Variants in STK32B observed in about 807,000 individuals in gnomAD.
STK32B encodes serine/threonine kinase 32B.
Under a neutral mutation model 52.6 loss-of-function variants are expected in STK32B, and 43 were observed. The observed-to-expected ratio is 0.82, with a 90% CI of 0.64 to 1.05. The LOEUF (loss-of-function observed/expected upper bound fraction) is 1.05. Ranked by LOEUF, STK32B falls within the 50% of genes least tolerant of loss-of-function variation. The pLI is 0.00. For synonymous variants in STK32B, 238 were observed against 204.3 expected (o/e 1.17, Z -1.41); for missense variants, 621 against 534.6 (o/e 1.16, Z -1.59).
At chr4:5,317,415 TATATATAATAC>T (rs1239868644) in intron 3 of STK32B, among the ~76,000 whole-genome samples, 27 of 83,992 alleles carry the variant, frequency 3.2e-4, no homozygotes, top group African/African-American at 1.6e-3. Flanking sequence ...GTATATGTAT[TATATATAATAC>T]ATATATATTA....
At chr4:5,487,309 G>C (rs1377316293) in intron 11 of STK32B, among the ~76,000 whole-genome samples, 2 of 152,194 alleles carry the variant, frequency 1.3e-5, no homozygotes, top group African/African-American at 4.8e-5. Context: ...GGCATGAGCA[G>C]TCATCTGGAA....
At chr4:5,341,576 G>A (rs931648806) in intron 4 of STK32B, among the ~76,000 whole-genome samples, 3 of 152,138 alleles carry the variant, frequency 2.0e-5, no homozygotes, top group Non-Finnish European at 4.4e-5. Context: ...TTACTTCTAG[G>A]CAACCAAGGA....
chr4:5,130,524 A>G (rs1162743904), intron 1 of STK32B, among the ~76,000 whole-genome samples: 1 of 152,104 alleles, frequency 6.6e-6, no homozygotes, highest in East Asian at 1.9e-4. Flanking sequence ...CCTGTGAACA[A>G]ACTCAGCACC....
chr4:5,346,032 T>G (rs1733436476), intron 4 of STK32B, among the ~76,000 whole-genome samples: 1 of 152,178 alleles, frequency 6.6e-6, no homozygotes, highest in South Asian at 2.1e-4. Flanking sequence ...GGGTGTATGG[T>G]TGTTATTTTC....
chr4:5,086,919 C>T (rs1712762421), intron 1 of STK32B, among the ~76,000 whole-genome samples: 1 of 152,102 alleles, frequency 6.6e-6, no homozygotes, highest in Non-Finnish European at 1.5e-5. Context: ...GTAGACTTGT[C>T]CTGCAACAGA....
At chr4:5,221,882 G>A (rs906260385) in intron 3 of STK32B, among the ~76,000 whole-genome samples, 6 of 151,176 alleles carry the variant, frequency 4.0e-5, no homozygotes, top group Admixed American at 1.3e-4. Flanking sequence ...AAAAATTCAG[G>A]TGTTGTTAAT....
At chr4:5,089,782 G>C (rs79040673) in intron 1 of STK32B, among the ~76,000 whole-genome samples, 1 of 152,280 alleles carries the variant, frequency 6.6e-6, no homozygotes, top group East Asian at 1.9e-4. Context: ...TCACAATACT[G>C]TCTTCTACCA....
chr4:5,197,733 C>G (rs1721800878), intron 3 of STK32B, among the ~76,000 whole-genome samples: 1 of 152,124 alleles, frequency 6.6e-6, no homozygotes, highest in African/African-American at 2.4e-5. Context: ...GGATGCTATC[C>G]TTTTATTCAT....
Position 5,437,918 on chromosome 4 carries a change from T to C in STK32B, c.563-8755T>C. On this transcript the variant is annotated intron_variant, in intron 6 of 11. Coordinates refer to ENST00000282908, the MANE Select transcript of STK32B (RefSeq NM_018401.3). ...GGATTATGATATCAATATTGTTGTGTTCTACCATCAGCTCCAAGTGTGTGG... is the reference window on the plus strand; with the variant it reads ...GGATTATGATATCAATATTGTTGTGCTCTACCATCAGCTCCAAGTGTGTGG... 3 of 985,460 alleles carry C rather than the reference T, an allele frequency of 3.0e-6. 1 individual carries two copies. Among genetic ancestry groups the C allele is most frequent in the Non-Finnish European group, 2.4e-6 (2 of 829,950 alleles). 61.0% of individuals were successfully genotyped at this position (985,460 alleles called of 1,614,324 possible). A position where few individuals can be genotyped will look rare whatever the true frequency, so the allele number is the denominator to read the frequency against.
At chr4:5,028,979 G>C in the STK32B span, among the ~76,000 whole-genome samples, 1 of 152,138 alleles carries the variant, frequency 6.6e-6, no homozygotes, top group South Asian at 2.1e-4. Context: ...GGCAGGAGGT[G>C]CCACACATTT....
chr4:5,185,003 CCT>C (rs1206342165), intron 3 of STK32B, among the ~76,000 whole-genome samples: 6 of 152,200 alleles, frequency 3.9e-5, no homozygotes, highest in Non-Finnish European at 5.9e-5. Flanking sequence ...GAGGTTGCTC[CCT>C]GTTTCCGTGT....
chr4:5,278,527 C>T (rs934787113), intron 3 of STK32B, among the ~76,000 whole-genome samples: 2 of 152,098 alleles, frequency 1.3e-5, no homozygotes, highest in Non-Finnish European at 2.9e-5. Context: ...AAAATCTGTC[C>T]GTCAGCACAA....
At position 5,396,739 on chromosome 4, in the gene STK32B, C is replaced by A. The variant is rs116398378; in HGVS notation, c.435-1468C>A. Among the ~76,000 whole-genome samples the A allele has an allele frequency of 0.011, 1,736 of 152,292 alleles. 21 individuals are homozygous for A. Among genetic ancestry groups the A allele is most frequent in the South Asian group, 0.057 (274 of 4,826 alleles). On this transcript the variant is annotated intron_variant, in intron 4 of 11. Coordinates refer to ENST00000282908, the MANE Select transcript of STK32B (RefSeq NM_018401.3). The surrounding 1 kb of genome is among the most constrained non-coding windows in gnomAD (Gnocchi z 4.7). ...GAACATTTGCTGCTGTGTTTTCATT[C>A]TTGACATGTATTTTATTATCTCTTT...
chr4:5,158,497 C>G (rs1273868307), intron 2 of STK32B, among the ~76,000 whole-genome samples: 2 of 152,098 alleles, frequency 1.3e-5, no homozygotes, highest in Admixed American at 6.5e-5. Flanking sequence ...TTATTCCTTT[C>G]CTTATTCATT....
intron 3 of STK32B, among the ~76,000 whole-genome samples, chr4:5,175,739 C>CT (rs1271860619): frequency 6.6e-6 from 1 of 152,212 alleles, no homozygotes; most frequent in Non-Finnish European, 1.5e-5. Context: ...AGTTAGGCTA[C>CT]TTGGGGATCA....
intron 1 of STK32B, among the ~76,000 whole-genome samples, chr4:5,096,847 A>G (rs1483208208): frequency 1.3e-5 from 2 of 152,210 alleles, no homozygotes; most frequent in African/African-American, 2.4e-5. Context: ...ATCGATTTCC[A>G]TGGTGTTGGC....
At chr4:5,456,711 G>A (rs1716552253) in intron 7 of STK32B, 96 bp from the exon 8 acceptor site, 7 of 1,145,934 alleles carry the variant, frequency 6.1e-6, no homozygotes, top group Non-Finnish European at 8.5e-6. Flanking sequence ...TGAAGAGGAA[G>A]AATAAACCAT....
At chr4:5,456,652 G>C (rs577871219) in intron 7 of STK32B, among the ~76,000 whole-genome samples, 155 bp from the exon 8 acceptor site, 3 of 152,220 alleles carry the variant, frequency 2.0e-5, no homozygotes, top group Non-Finnish European at 4.4e-5. Flanking sequence ...GTTGGCACTT[G>C]GGTTCGGGCC....
intron 1 of STK32B, among the ~76,000 whole-genome samples, chr4:5,103,267 A>G (rs1204799111): frequency 6.6e-6 from 1 of 152,096 alleles, no homozygotes; most frequent in Non-Finnish European, 1.5e-5. Context: ...ACATAGACAC[A>G]GTTAAAGCCC....
Sources: allele counts gnomAD v4.1 joint callset (sites outside exome capture counted in the v4.1 genomes callset), GRCh38; gene constraint gnomAD v4.1.1; non-coding constraint Gnocchi (gnomAD v3.1); transcripts MANE v1.5; gene names NCBI Gene and HGNC (gene_info 2026-07-23, HGNC 2026-07-21).